The following RNF145 variants were observed in gnomAD, a reference collection of about 807,000 sequenced individuals.
The protein encoded by RNF145 is ring finger protein 145.
In RNF145, 12 loss-of-function variants were observed where a neutral mutation model predicts 57.3. The ratio of observed to expected loss-of-function variants is 0.21; its 90% CI spans 0.13 to 0.34. The LOEUF (loss-of-function observed/expected upper bound fraction) is 0.34, where lower values mean the gene tolerates loss of function less well. RNF145 is among the 10% of genes least tolerant of loss of function. RNF145 has a pLI of 1.00. For synonymous variants in RNF145, 262 were observed against 288.3 expected (o/e 0.91, Z 0.92); for missense variants, 429 against 799.0 (o/e 0.54, Z 5.58).
At chr5:159,186,887 G>A (rs1175357091) in intron 3 of RNF145, among the ~76,000 whole-genome samples, 1 of 152,188 alleles carries the variant, frequency 6.6e-6, no homozygotes, top group Non-Finnish European at 1.5e-5. Context: ...GGAGGCTGAG[G>A]CAGGAGAATC....
chr5:159,185,074 T>C (rs1305724910), intron 3 of RNF145, among the ~76,000 whole-genome samples: 1 of 152,202 alleles, frequency 6.6e-6, no homozygotes, highest in East Asian at 1.9e-4. Context: ...TTTAAGTCTG[T>C]ATCATTCATC....
chr5:159,203,937 C>A (rs1383719984), intron 1 of RNF145, among the ~76,000 whole-genome samples: 3 of 152,168 alleles, frequency 2.0e-5, no homozygotes, highest in South Asian at 4.1e-4. Context: ...AATCTAGGAA[C>A]AAAACACTCT....
intron 2 of RNF145, among the ~76,000 whole-genome samples, chr5:159,201,719 T>C (rs1308401033): frequency 6.6e-6 from 1 of 152,164 alleles, no homozygotes; most frequent in African/African-American, 2.4e-5. Context: ...GGGGGAAATA[T>C]ACATTTTTTA....
chr5:159,180,188 A>G lies in RNF145; in HGVS notation c.385+1772T>C, dbSNP rs145389007. Among the ~76,000 whole-genome samples, 389 of 152,174 alleles carry G rather than the reference A, an allele frequency of 2.6e-3. 1 individual carries two copies. The highest frequency in any genetic ancestry group is 4.6e-3 in the Non-Finnish European group (310 of 67,988). ...TTGTTACTGGTGCTTCCTAGACTTG[A>G]GGTATCTAAAACTGATTTATTTTCC... On this transcript the variant is annotated intron_variant, in intron 4 of 10. Coordinates refer to ENST00000424310, the MANE Select transcript of RNF145 (RefSeq NM_001199383.2).
At chr5:159,201,379 C>G (rs1785661600) in intron 2 of RNF145, among the ~76,000 whole-genome samples, 1 of 152,164 alleles carries the variant, frequency 6.6e-6, no homozygotes, top group Admixed American at 6.5e-5. Context: ...GAAATTATAG[C>G]TATACAAAGT....
intron 3 of RNF145, among the ~76,000 whole-genome samples, chr5:159,187,468 T>C (rs1040198066): frequency 6.6e-6 from 1 of 151,766 alleles, no homozygotes; most frequent in Non-Finnish European, 1.5e-5. Context: ...GCTTAGATTA[T>C]AGGTGCCTGC....
chr5:159,183,676 C>G (rs1301128589), intron 3 of RNF145, among the ~76,000 whole-genome samples: 1 of 152,020 alleles, frequency 6.6e-6, no homozygotes, highest in African/African-American at 2.4e-5. Flanking sequence ...AAAAGAGATA[C>G]AACTCTGAGT....
intron 1 of RNF145, among the ~76,000 whole-genome samples, chr5:159,208,930 G>A (rs1053699567): frequency 1.3e-5 from 2 of 151,472 alleles, no homozygotes; most frequent in Non-Finnish European, 2.9e-5. Flanking sequence ...GGAGGCAGCC[G>A]AGGCCCGGGA....
intron 4 of RNF145, among the ~76,000 whole-genome samples, chr5:159,179,621 G>A (rs966750672): frequency 2.6e-5 from 4 of 152,014 alleles, no homozygotes; most frequent in Non-Finnish European, 4.4e-5. Flanking sequence ...TAAGAAATAT[G>A]CTTCATATTT....
intron 4 of RNF145, among the ~76,000 whole-genome samples, chr5:159,180,246 T>C (rs1408126380): frequency 1.3e-5 from 2 of 152,084 alleles, no homozygotes; most frequent in African/African-American, 2.4e-5. Flanking sequence ...TCTGAAACCG[T>C]TCCTATCACT....
At chr5:159,179,545 T>C (rs771155899) in intron 4 of RNF145, among the ~76,000 whole-genome samples, 2 of 152,134 alleles carry the variant, frequency 1.3e-5, no homozygotes, top group Non-Finnish European at 2.9e-5. Flanking sequence ...TAATAGTTTA[T>C]GGACTTTGGA....
At chr5:159,161,731 C>G (rs1784224468) in intron 9 of RNF145, 109 bp from the exon 10 acceptor site, 2 of 640,474 alleles carry the variant, frequency 3.1e-6, no homozygotes. Flanking sequence ...TGCAATATTT[C>G]AAATATACAG....
At chr5:159,207,604 G>C in intron 1 of RNF145, 2 of 1,594,654 alleles carry the variant, frequency 1.3e-6, no homozygotes, top group Non-Finnish European at 1.7e-6. Context: ...AAAATGTTAA[G>C]AGCACAAAGC....
At chr5:159,207,758 A>T in intron 1 of RNF145, 1 of 1,614,146 alleles carries the variant, frequency 6.2e-7, no homozygotes, top group Middle Eastern at 1.6e-4. Flanking sequence ...TATGTACCTG[A>T]TCTCCACATA....
At chr5:159,199,914 C>G (rs1175195516) in intron 2 of RNF145, among the ~76,000 whole-genome samples, 1 of 152,138 alleles carries the variant, frequency 6.6e-6, no homozygotes, top group African/African-American at 2.4e-5. Flanking sequence ...CAATTACATT[C>G]CATTAAATAC....
At chr5:159,209,562 C>A (rs1562083072), upstream of RNF145, 1 of 995,586 alleles carries the variant, frequency 1.0e-6, no homozygotes, top group Non-Finnish European at 1.2e-6. Context: ...GCGGCGGCCG[C>A]GGCCCGACTT....
chr5:159,162,344 C>A (rs763832593), intron 9 of RNF145, among the ~76,000 whole-genome samples: 1 of 151,844 alleles, frequency 6.6e-6, no homozygotes, highest in East Asian at 1.9e-4. Context: ...CTGTATCATA[C>A]CATTTTGAAA....
intron 2 of RNF145, among the ~76,000 whole-genome samples, chr5:159,198,762 C>G (rs1053133606): frequency 1.8e-4 from 28 of 152,302 alleles, no homozygotes; most frequent in African/African-American, 6.3e-4. Context: ...TGGCTAATAT[C>G]TGTAATCCTA....
At chr5:159,189,165 C>A (rs1176855564) in intron 3 of RNF145, among the ~76,000 whole-genome samples, 1 of 151,786 alleles carries the variant, frequency 6.6e-6, no homozygotes, top group African/African-American at 2.4e-5. Flanking sequence ...ATTTGCAAAT[C>A]ATAGATCTGA....
Sources: allele counts gnomAD v4.1 joint callset (sites outside exome capture counted in the v4.1 genomes callset), GRCh38; gene constraint gnomAD v4.1.1; transcripts MANE v1.5; gene names NCBI Gene and HGNC (gene_info 2026-07-23, HGNC 2026-07-21).